Variants in ELMO1 observed in about 807,000 individuals in gnomAD.
The protein encoded by ELMO1 is engulfment and cell motility 1.
In ELMO1, 26 loss-of-function variants were observed where a neutral mutation model predicts 98.9. The ratio of observed to expected loss-of-function variants is 0.26; its 90% CI spans 0.19 to 0.36. The LOEUF is 0.36. Among genes scored for constraint, ELMO1 ranks in the 10% least tolerant of loss-of-function variants. The pLI, the probability that ELMO1 is intolerant of heterozygous loss-of-function variation, is 1.00. For missense variants in ELMO1, 627 were observed against 935.2 expected (o/e 0.67, Z 4.30); for synonymous variants, 346 against 346.0 (o/e 1.00, Z 0.00).
intron 15 of ELMO1, among the ~76,000 whole-genome samples, chr7:37,070,301 T>C (rs1306472865): frequency 6.6e-6 from 1 of 152,186 alleles, no homozygotes; most frequent in Non-Finnish European, 1.5e-5. Context: ...TTCCACATCT[T>C]GGGGAGTGTG....
At position 37,271,776 on chromosome 7, in the gene ELMO1, T is replaced by C. The variant is rs1034563252; in HGVS notation, c.243+56A>G. On this transcript the variant is annotated intron_variant, in intron 5 of 21. Coordinates refer to ENST00000310758, the MANE Select transcript of ELMO1 (RefSeq NM_014800.11). The stretch of plus-strand genomic sequence containing the variant: ...AAAATTAATATCCCACAATCACATA[T>C]AGCAGAAACGCAGAGCAAAGAGTTT... The C allele has an allele frequency of 1.2e-5, 19 of 1,569,646 alleles. No individual in the cohort carries two copies. The East Asian group carries it at 2.0e-4, about 17-fold the overall frequency.
intron 4 of ELMO1, among the ~76,000 whole-genome samples, chr7:37,303,520 T>A (rs1312853144): frequency 6.6e-6 from 1 of 152,192 alleles, no homozygotes; most frequent in Non-Finnish European, 1.5e-5. Flanking sequence ...GCAATTAAGT[T>A]TCTGGCCTTG....
chr7:37,350,831 TGAACACA>T (rs1801230327), intron 1 of ELMO1, among the ~76,000 whole-genome samples: 1 of 152,178 alleles, frequency 6.6e-6, no homozygotes, highest in Non-Finnish European at 1.5e-5. Flanking sequence ...GGAGGAAATC[TGAACACA>T]GAAGGTACAG....
intron 16 of ELMO1, among the ~76,000 whole-genome samples, chr7:36,908,589 C>T (rs546544326): frequency 1.3e-4 from 20 of 151,268 alleles, no homozygotes; most frequent in African/African-American, 3.6e-4. Context: ...AGGGAAAAAA[C>T]GGCATACATC....
At chr7:37,378,946 C>T (rs1182682316) in intron 1 of ELMO1, among the ~76,000 whole-genome samples, 1 of 152,184 alleles carries the variant, frequency 6.6e-6, no homozygotes, top group African/African-American at 2.4e-5. Context: ...CTCCAGAGAA[C>T]TGTAAAATAT....
intron 20 of ELMO1, among the ~76,000 whole-genome samples, chr7:36,865,453 C>T (rs1278018545): frequency 6.6e-6 from 1 of 152,198 alleles, no homozygotes; most frequent in East Asian, 1.9e-4. Context: ...TACAACTCTC[C>T]AGCCCCAATC....
At chr7:37,038,539 T>G (rs1049579311) in intron 15 of ELMO1, among the ~76,000 whole-genome samples, 4 of 152,238 alleles carry the variant, frequency 2.6e-5, no homozygotes, top group Non-Finnish European at 4.4e-5. Flanking sequence ...TCATTGCTTT[T>G]TTTGAATTTT....
At chr7:37,385,679 G>A (rs896555031) in intron 1 of ELMO1, among the ~76,000 whole-genome samples, 5 of 152,242 alleles carry the variant, frequency 3.3e-5, no homozygotes, top group East Asian at 1.9e-4. Context: ...ACTGTATCCC[G>A]TGTCTAGGAG....
rs190012081 is a variant in ELMO1, at chr7:36,857,391, G to A, written c.1984-1640C>T. Among the ~76,000 whole-genome samples the A allele has an allele frequency of 7.3e-4, 111 of 152,154 alleles. 1 individual carries two copies. The highest frequency in any genetic ancestry group is 2.6e-3 in the African/African-American group (106 of 41,502). On this transcript the variant is annotated intron_variant, in intron 21 of 21. Coordinates refer to ENST00000310758, the MANE Select transcript of ELMO1 (RefSeq NM_014800.11). Reference sequence around the variant, plus strand: ...CTTCCTAGAAAACTCTAACGAACACGCAGGTACGGGTGCCACTGAACTCTA... The same window carrying A: ...CTTCCTAGAAAACTCTAACGAACACACAGGTACGGGTGCCACTGAACTCTA...
chr7:37,380,540 A>T (rs1802539779), intron 1 of ELMO1, among the ~76,000 whole-genome samples: 1 of 152,218 alleles, frequency 6.6e-6, no homozygotes, highest in Non-Finnish European at 1.5e-5. Context: ...TAATGTCTCA[A>T]TGTTACTTTC....
intron 16 of ELMO1, among the ~76,000 whole-genome samples, chr7:36,971,834 C>T (rs750357035): frequency 2.0e-5 from 3 of 152,084 alleles, no homozygotes; most frequent in Admixed American, 6.5e-5. Flanking sequence ...ATAGGACATG[C>T]TAGCTATTCT....
intron 13 of ELMO1, 84 bp from the exon 14 acceptor site, chr7:37,133,318 G>T: frequency 9.9e-7 from 1 of 1,013,886 alleles, no homozygotes; most frequent in Non-Finnish European, 1.5e-6. Context: ...CTCCTCAAGA[G>T]TGAAGTGCTA....
intron 13 of ELMO1, among the ~76,000 whole-genome samples, chr7:37,154,519 A>T (rs1788591843): frequency 6.6e-6 from 1 of 152,236 alleles, no homozygotes; most frequent in South Asian, 2.1e-4. Flanking sequence ...CGTGAAGCAT[A>T]CACAAGCTTC....
At chr7:36,918,046 T>C (rs75102576) in intron 16 of ELMO1, among the ~76,000 whole-genome samples, 19,361 of 152,240 alleles carry the variant, frequency 0.13, 1,345 homozygotes, top group East Asian at 0.2. Flanking sequence ...TATATAATTT[T>C]GTAAAGACAT....
chr7:36,889,934 T>A (rs535618413), intron 17 of ELMO1, among the ~76,000 whole-genome samples: 5 of 152,328 alleles, frequency 3.3e-5, no homozygotes, highest in South Asian at 4.1e-4. Flanking sequence ...GCCCACCAGC[T>A]CTTTCTTTTT....
At position 37,313,975 on chromosome 7, in the gene ELMO1, G is replaced by T. The variant is rs550255085; in HGVS notation, c.192+875C>A. On this transcript the variant is annotated intron_variant, in intron 4 of 21. Transcript: ENST00000310758. ...GCTGGCCCCCAAGATTATCAGTTTA[G>T]AAGACAAAACTGGCTCATATGCATT... Among the ~76,000 whole-genome samples, 8 of 152,312 alleles carry T rather than the reference G, an allele frequency of 5.3e-5. No individual in the cohort carries two copies. In the South Asian group the frequency reaches 1.7e-3, roughly 32 times the overall value.
At chr7:37,314,681 T>A (rs1008859721) in intron 4 of ELMO1, among the ~76,000 whole-genome samples, 169 bp downstream of exon 4, 1 of 152,174 alleles carries the variant, frequency 6.6e-6, no homozygotes, top group African/African-American at 2.4e-5. Context: ...CTGGCAAATA[T>A]CATCTTGTGG....
At chr7:37,367,594 G>A (rs1801954199) in intron 1 of ELMO1, among the ~76,000 whole-genome samples, 1 of 152,186 alleles carries the variant, frequency 6.6e-6, no homozygotes, top group South Asian at 2.1e-4. Flanking sequence ...TGTGTGACAT[G>A]GAAGACTAGA....
intron 6 of ELMO1, among the ~76,000 whole-genome samples, chr7:37,252,587 G>C (rs1250568655): frequency 6.6e-6 from 1 of 152,002 alleles, no homozygotes; most frequent in Non-Finnish European, 1.5e-5. Flanking sequence ...AACTCAAGAT[G>C]GATTAAAGAC....
Sources: allele counts gnomAD v4.1 joint callset (sites outside exome capture counted in the v4.1 genomes callset), GRCh38; gene constraint gnomAD v4.1.1; transcripts MANE v1.5; gene names NCBI Gene and HGNC (gene_info 2026-07-23, HGNC 2026-07-21).